The following ANK1 variants were observed in gnomAD, a reference collection of about 807,000 sequenced individuals.
The protein encoded by ANK1 is ankyrin-1.
ANK1 carries 51 observed loss-of-function variants against 210.4 expected under a neutral mutation model. The ratio of observed to expected loss-of-function variants is 0.24; its 90% CI spans 0.19 to 0.31. The LOEUF (loss-of-function observed/expected upper bound fraction) is 0.31. Among genes scored for constraint, ANK1 ranks in the 10% least tolerant of loss-of-function variants. The pLI, the probability that ANK1 is intolerant of heterozygous loss-of-function variation, is 1.00. For synonymous variants in ANK1, 967 were observed against 1,025.9 expected (o/e 0.94, Z 1.10); for missense variants, 2,051 against 2,504.4 (o/e 0.82, Z 3.86).
intron 1 of ANK1, among the ~76,000 whole-genome samples, chr8:41,827,487 G>A (rs1039289325): frequency 2.0e-5 from 3 of 152,156 alleles, no homozygotes; most frequent in Non-Finnish European, 4.4e-5. Flanking sequence ...TATCTTCACA[G>A]CTTTAAAATA....
intron 2 of ANK1, among the ~76,000 whole-genome samples, chr8:41,740,658 T>C (rs1834561857): frequency 6.6e-6 from 1 of 152,318 alleles, no homozygotes; most frequent in East Asian, 1.9e-4. Flanking sequence ...TATCTCTGTA[T>C]GCGTGCACTC....
At chr8:41,747,922 G>C (rs1291351406) in intron 2 of ANK1, among the ~76,000 whole-genome samples, 1 of 152,180 alleles carries the variant, frequency 6.6e-6, no homozygotes, top group African/African-American at 2.4e-5. Context: ...GTCTGGGGCA[G>C]ATCACCCAGA....
chr8:41,663,421 C>T (rs899097584), intron 40 of ANK1, among the ~76,000 whole-genome samples: 3 of 152,150 alleles, frequency 2.0e-5, no homozygotes, highest in African/African-American at 7.2e-5. Flanking sequence ...TGGAAAAGAG[C>T]AGCAGAAGCT....
chr8:41,784,735 T>C (rs1846012450), intron 1 of ANK1, among the ~76,000 whole-genome samples: 1 of 152,230 alleles, frequency 6.6e-6, no homozygotes, highest in Non-Finnish European at 1.5e-5. Context: ...TAAACAAACA[T>C]CCTGCAATGC....
chr8:41,805,578 T>G (rs962269487), intron 1 of ANK1, among the ~76,000 whole-genome samples: 8 of 152,190 alleles, frequency 5.3e-5, no homozygotes, highest in African/African-American at 1.9e-4. Context: ...GTGACTTATA[T>G]CTAGCAATAT....
intron 13 of ANK1, 112 bp downstream of exon 13, chr8:41,716,841 G>T: frequency 9.1e-7 from 1 of 1,101,106 alleles, no homozygotes; most frequent in African/African-American, 1.5e-5. Context: ...AGGATGAAAA[G>T]TGATCCCCAG....
intron 1 of ANK1, among the ~76,000 whole-genome samples, chr8:41,876,907 A>G (rs563718583): frequency 5.3e-5 from 8 of 152,322 alleles, no homozygotes; most frequent in African/African-American, 1.9e-4. Context: ...ATCAATGTAA[A>G]GCCAAAAGGG....
chr8:41,720,359 T>G (rs1293292065), intron 9 of ANK1, among the ~76,000 whole-genome samples: 3 of 152,152 alleles, frequency 2.0e-5, no homozygotes, highest in South Asian at 4.1e-4. Flanking sequence ...ATGAATGAAT[T>G]ATGATAAAAT....
chr8:41,739,112 G>A (rs1323860480), intron 2 of ANK1, among the ~76,000 whole-genome samples: 1 of 152,146 alleles, frequency 6.6e-6, no homozygotes, highest in African/African-American at 2.4e-5. Context: ...ACCAGTTGAT[G>A]TTGTTCCATA....
At chr8:41,755,318 G>GT (rs577693575) in intron 2 of ANK1, among the ~76,000 whole-genome samples, 203 of 152,330 alleles carry the variant, frequency 1.3e-3, no homozygotes, top group Non-Finnish European at 2.5e-3. Context: ...GCTATTCCCT[G>GT]GTGGCATCAA....
intron 1 of ANK1, among the ~76,000 whole-genome samples, chr8:41,848,469 C>T (rs982485995): frequency 3.9e-5 from 6 of 152,192 alleles, no homozygotes; most frequent in Non-Finnish European, 7.3e-5. Flanking sequence ...CCTGCAGAGC[C>T]GAGCCCAGGG....
chr8:41,717,474 C>T (rs1014120145), intron 12 of ANK1, 130 bp downstream of exon 12: 5 of 875,386 alleles, frequency 5.7e-6, no homozygotes, highest in East Asian at 2.6e-5. Context: ...TGTCCTCCCC[C>T]AGTCTGAAGC....
Position 41,655,475 on chromosome 8 carries a change from G to T in ANK1, c.*315C>A. The T allele has an allele frequency of 2.0e-6, 1 of 493,176 alleles. No individual in the cohort carries two copies. Among genetic ancestry groups the T allele is most frequent in the Non-Finnish European group, 3.6e-6 (1 of 276,702 alleles). The allele number at this position is 493,176 out of a possible 1,614,324, so 30.6% of individuals were successfully genotyped here. On this transcript the variant is annotated 3_prime_UTR_variant, in exon 43 of 43. Transcript: ENST00000289734. ...CTTTTGCGTTCGCAGGCTCTCCTGC[G>T]CTTGTTTTCTATCCCTCTCTCTCCC... is the stretch of plus-strand genomic sequence containing the variant.
intron 1 of ANK1, among the ~76,000 whole-genome samples, chr8:41,847,425 G>A (rs959497561): frequency 5.3e-5 from 8 of 152,190 alleles, no homozygotes; most frequent in African/African-American, 1.9e-4. Context: ...AAAGGAGGCC[G>A]GGGAAAACGG....
intron 17 of ANK1, among the ~76,000 whole-genome samples, chr8:41,708,138 T>C (rs1259943525): frequency 1.3e-5 from 2 of 152,212 alleles, no homozygotes; most frequent in African/African-American, 2.4e-5. Flanking sequence ...CATTGAATTG[T>C]AGAGTTTGAA....
chr8:41,698,137 A>C lies in ANK1; in HGVS notation c.2559-16T>G. The C allele has an allele frequency of 1.2e-6, 2 of 1,613,600 alleles. No individual in the cohort carries two copies. The highest frequency in any genetic ancestry group is 1.7e-6 in the Non-Finnish European group (2 of 1,179,702). On this transcript the variant is annotated splice_polypyrimidine_tract_variant and intron_variant, in intron 23 of 42. Coordinates refer to ENST00000289734, the MANE Select transcript of ANK1 (RefSeq NM_000037.4). Reference sequence around the variant, plus strand: ...AGATTCCACCCTGCGTGCCAAGAACACCAGAACATCACAGGGCTGATCCAC... The same window carrying C: ...AGATTCCACCCTGCGTGCCAAGAACCCCAGAACATCACAGGGCTGATCCAC...
intron 38 of ANK1, among the ~76,000 whole-genome samples, chr8:41,671,684 C>T (rs1275894687): frequency 2.0e-5 from 3 of 148,874 alleles, no homozygotes; most frequent in Admixed American, 1.3e-4. Context: ...TGAGCCCTCC[C>T]GGCGCCCCGA....
intron 1 of ANK1, among the ~76,000 whole-genome samples, chr8:41,896,076 G>T (rs566292506): frequency 3.2e-4 from 49 of 152,370 alleles, no homozygotes; most frequent in Non-Finnish European, 5.1e-4. Context: ...TGTCCAAGGT[G>T]CTGAAAGGTC....
At chr8:41,849,427 A>G (rs914983407) in intron 1 of ANK1, among the ~76,000 whole-genome samples, 1 of 151,584 alleles carries the variant, frequency 6.6e-6, no homozygotes, top group African/African-American at 2.4e-5. Flanking sequence ...GGGAGGCTGA[A>G]GTAGAAGAAT....
Sources: allele counts gnomAD v4.1 joint callset (sites outside exome capture counted in the v4.1 genomes callset), GRCh38; gene constraint gnomAD v4.1.1; transcripts MANE v1.5; gene names NCBI Gene and HGNC (gene_info 2026-07-23, HGNC 2026-07-21).